TOX2: variants seen among roughly 807,000 people sequenced by gnomAD.
The protein encoded by TOX2 is TOX high mobility group box family member 2, also known as granulosa cell HMG box 1.
In TOX2, 15 loss-of-function variants were observed where a neutral mutation model predicts 47.4. The ratio of observed to expected loss-of-function variants is 0.32; its 90% confidence interval spans 0.21 to 0.49. TOX2 has a LOEUF of 0.49. Among genes scored for constraint, TOX2 ranks in the 20% least tolerant of loss-of-function variants. TOX2 has a pLI of 0.99. For missense variants in TOX2, 622 were observed against 673.1 expected (o/e 0.92, Z 0.84); for synonymous variants, 290 against 296.6 (o/e 0.98, Z 0.23).
chr20:44,003,988 G>A (rs529463828), intron 2 of TOX2, among the ~76,000 whole-genome samples: 1 of 152,170 alleles, frequency 6.6e-6, no homozygotes, highest in Non-Finnish European at 1.5e-5. Flanking sequence ...AGAGCAGCCC[G>A]AGTGGCCAAT....
chr20:43,946,696 G>A (rs1600670184), intron 1 of TOX2, among the ~76,000 whole-genome samples: 1 of 152,212 alleles, frequency 6.6e-6, no homozygotes, highest in African/African-American at 2.4e-5. Context: ...AAGGAACTAA[G>A]GGGACTTAAG....
chr20:44,040,749 T>C (rs2071319541), intron 3 of TOX2, among the ~76,000 whole-genome samples: 1 of 152,046 alleles, frequency 6.6e-6, no homozygotes, highest in Non-Finnish European at 1.5e-5. Context: ...TACAACGGTA[T>C]GGGTAGTAAT....
chr20:43,998,727 CT>C (rs58044322), intron 2 of TOX2, among the ~76,000 whole-genome samples: 63,002 of 138,430 alleles, frequency 0.46, 13,538 homozygotes, highest in East Asian at 0.52. Flanking sequence ...ATACATCTAT[CT>C]ATCTATCTAT....
intron 3 of TOX2, among the ~76,000 whole-genome samples, chr20:44,023,055 G>A (rs926053346): frequency 2.0e-5 from 3 of 151,290 alleles, no homozygotes; most frequent in Admixed American, 1.3e-4. Flanking sequence ...CCATGATATA[G>A]GTCTGAAACC....
chr20:44,040,894 G>C (rs796740998), intron 3 of TOX2, among the ~76,000 whole-genome samples: 3 of 152,312 alleles, frequency 2.0e-5, no homozygotes, highest in African/African-American at 4.8e-5. Context: ...CTGGAGCTAA[G>C]AGAGATTTTA....
Position 44,065,767 on chromosome 20 carries a change from TGCTCCCACCCAA to T in TOX2, c.1019_1030del (p.Leu340_Lys343del). 1 of 1,608,162 alleles carries T rather than the reference TGCTCCCACCCAA, an allele frequency of 6.2e-7. No homozygotes were observed. The highest frequency in any genetic ancestry group is 8.5e-7 in the Non-Finnish European group (1 of 1,175,364). On this transcript the variant is annotated inframe_deletion, in exon 7 of 9. Coordinates refer to ENST00000341197, the MANE Select transcript of TOX2 (RefSeq NM_001098797.2). ...ACTCAGGCAAACCCACCAGCCAAAA[TGCTCCCACCCAA>T]GCAGCCCATGTATGCCATGCCAGGC...
intron 1 of TOX2, among the ~76,000 whole-genome samples, chr20:43,944,548 T>C (rs1398901418): frequency 7.0e-6 from 1 of 143,510 alleles, no homozygotes; most frequent in Admixed American, 6.6e-5. Flanking sequence ...GTAATCCCCC[T>C]TCCAGCCTCT....
At chr20:43,932,058 T>C (rs1039823209) in intron 1 of TOX2, among the ~76,000 whole-genome samples, 1 of 152,088 alleles carries the variant, frequency 6.6e-6, no homozygotes, top group Admixed American at 6.5e-5. Flanking sequence ...GTATGCAGTT[T>C]GGGGATGAGT....
chr20:43,930,904 C>T (rs1569006979), intron 1 of TOX2, among the ~76,000 whole-genome samples: 4 of 152,202 alleles, frequency 2.6e-5, no homozygotes. Context: ...CACTGCCCTA[C>T]CATGGTTTTC....
intron 2 of TOX2, among the ~76,000 whole-genome samples, chr20:43,982,250 TGA>T (rs1419444311): frequency 1.3e-5 from 2 of 151,526 alleles, no homozygotes; most frequent in Non-Finnish European, 2.9e-5. Context: ...GGACTGCGGG[TGA>T]GAGGTGGTGG....
intron 5 of TOX2, among the ~76,000 whole-genome samples, chr20:44,057,049 C>T (rs1443122844): frequency 6.6e-6 from 1 of 152,180 alleles, no homozygotes. Context: ...AGCTGGACTA[C>T]AGGCGTGCCA....
chr20:44,053,501 CATAT>C (rs1042812799), intron 4 of TOX2, among the ~76,000 whole-genome samples: 1 of 145,046 alleles, frequency 6.9e-6, no homozygotes. Flanking sequence ...TATATACAGA[CATAT>C]ATATACTATA....
chr20:43,923,062 G>T (rs1368107117), intron 1 of TOX2, among the ~76,000 whole-genome samples: 2 of 149,388 alleles, frequency 1.3e-5, no homozygotes, highest in Non-Finnish European at 2.9e-5. Flanking sequence ...CTGCCTGGGG[G>T]CATGTAGAGT....
intron 3 of TOX2, among the ~76,000 whole-genome samples, chr20:44,015,063 G>A (rs1437548428): frequency 1.3e-5 from 2 of 152,044 alleles, no homozygotes; most frequent in East Asian, 1.9e-4. Context: ...GGGCACCTCC[G>A]AGTTGGGCTT....
chr20:44,020,896 A>G (rs1401296392), intron 3 of TOX2, among the ~76,000 whole-genome samples: 1 of 152,120 alleles, frequency 6.6e-6, no homozygotes, highest in Non-Finnish European at 1.5e-5. Flanking sequence ...TTCCCCCCAG[A>G]GGAACTCGAG....
chr20:44,064,626 A>C, intron 5 of TOX2, 151 bp from the exon 6 acceptor site: 1 of 707,066 alleles, frequency 1.4e-6, no homozygotes, highest in Non-Finnish European at 2.4e-6. Flanking sequence ...GCGCTCCCAG[A>C]AAGGGGCCAG....
intron 3 of TOX2, among the ~76,000 whole-genome samples, chr20:44,016,422 C>G (rs1569098672): frequency 6.6e-6 from 1 of 152,088 alleles, no homozygotes. Flanking sequence ...CTATGCCTGG[C>G]CTGAAGTAGC....
At chr20:43,927,887 G>A (rs1247149661) in intron 1 of TOX2, among the ~76,000 whole-genome samples, 1 of 151,014 alleles carries the variant, frequency 6.6e-6, no homozygotes, top group Non-Finnish European at 1.5e-5. Flanking sequence ...AGGTAATTAA[G>A]ACATGGTCCT....
rs1266513331 is a variant in TOX2 at position 43,916,497 on chromosome 20, G to A, written c.99+1507G>A. Among the ~76,000 whole-genome samples the A allele has an allele frequency of 6.6e-6, 1 of 152,220 alleles. No individual in the cohort carries two copies. Among genetic ancestry groups the A allele is most frequent in the Non-Finnish European group, 1.5e-5 (1 of 68,038 alleles). ...CAAGTGAGGTCTCGCGAAGAGTGGC[G>A]GTGGTTCTCTTTTGTCCAGTGACCT... On this transcript the variant is annotated intron_variant, in intron 1 of 8. Coordinates refer to ENST00000341197, the MANE Select transcript of TOX2 (RefSeq NM_001098797.2). This position sits in a 1 kb window ranked among gnomAD's most constrained non-coding sequence, Gnocchi z 5.0.
Sources: allele counts gnomAD v4.1 joint callset (sites outside exome capture counted in the v4.1 genomes callset), GRCh38; gene constraint gnomAD v4.1.1; non-coding constraint Gnocchi (gnomAD v3.1); transcripts MANE v1.5; gene names NCBI Gene and HGNC (gene_info 2026-07-23, HGNC 2026-07-21).